WWP1: variants seen among roughly 807,000 people sequenced by gnomAD.
WWP1 encodes WW domain containing E3 ubiquitin protein ligase 1, also known as NEDD4-like E3 ubiquitin-protein ligase WWP1.
In WWP1, 49 loss-of-function variants were observed where a neutral mutation model predicts 130.6. The ratio of observed to expected loss-of-function variants is 0.38; its 90% CI spans 0.30 to 0.48. The LOEUF is 0.48. WWP1 is among the 20% of genes least tolerant of loss of function. The pLI is 0.99. For synonymous variants in WWP1, 332 were observed against 367.8 expected (o/e 0.90, Z 1.11); for missense variants, 809 against 1,100.6 (o/e 0.74, Z 3.75).
chr8:86,382,724 A>G (rs1292373299), intron 5 of WWP1, among the ~76,000 whole-genome samples: 3 of 152,198 alleles, frequency 2.0e-5, no homozygotes, highest in African/African-American at 7.2e-5. Context: ...CCAGGGTTCT[A>G]GTTTATGATT....
chr8:86,399,277 GATTGTGGCCTTCCTTCAGACATC>G (rs1807842349), intron 7 of WWP1, among the ~76,000 whole-genome samples: 1 of 152,172 alleles, frequency 6.6e-6, no homozygotes, highest in Non-Finnish European at 1.5e-5. Flanking sequence ...ATGCTTCACA[GATTGTGGCCTTCCTTCAGACATC>G]ATTGTGGCCT....
At chr8:86,442,171 C>T (rs10481195) in intron 17 of WWP1, 52,607 of 152,440 alleles carry the variant, frequency 0.35, 10,580 homozygotes, top group African/African-American at 0.55. Flanking sequence ...AAATACATGG[C>T]TTTTGCCTTT....
chr8:86,358,729 G>T (rs1823395858), intron 1 of WWP1, among the ~76,000 whole-genome samples: 1 of 151,638 alleles, frequency 6.6e-6, no homozygotes, highest in African/African-American at 2.4e-5. Context: ...GGCTGGTCTC[G>T]AACTCCTGGG....
chr8:86,416,477 C>T (rs1021902425), intron 9 of WWP1, among the ~76,000 whole-genome samples: 6 of 152,150 alleles, frequency 3.9e-5, no homozygotes, highest in Non-Finnish European at 7.3e-5. Context: ...AGTCTTACTG[C>T]CAACCCCTGT....
At chr8:86,465,706 A>G (rs1812051609) in intron 24 of WWP1, among the ~76,000 whole-genome samples, 1 of 152,220 alleles carries the variant, frequency 6.6e-6, no homozygotes, top group Admixed American at 6.5e-5. Context: ...GATGTAAGAG[A>G]ACAGAAAGTG....
chr8:86,392,834 CTCTTTAT>C (rs1299194962), intron 5 of WWP1, among the ~76,000 whole-genome samples: 1 of 152,086 alleles, frequency 6.6e-6, no homozygotes, highest in African/African-American at 2.4e-5. Context: ...ATGTAAGTGC[CTCTTTAT>C]TCTTTCGAAA....
intron 1 of WWP1, among the ~76,000 whole-genome samples, chr8:86,356,266 C>T (rs1310615284): frequency 6.6e-6 from 1 of 152,056 alleles, no homozygotes; most frequent in Non-Finnish European, 1.5e-5. Context: ...CAAGTATATA[C>T]ACATCTCTTT....
chr8:86,445,147 C>T (rs1810791856), intron 18 of WWP1, among the ~76,000 whole-genome samples: 1 of 152,050 alleles, frequency 6.6e-6, no homozygotes, highest in Non-Finnish European at 1.5e-5. Context: ...TGAGAACTCA[C>T]CAGGGCATTA....
intron 13 of WWP1, 44 bp from the exon 14 acceptor site, chr8:86,431,569 AGT>A (rs1809978793): frequency 6.2e-7 from 1 of 1,612,042 alleles, no homozygotes; most frequent in African/African-American, 1.3e-5. Context: ...AGATATTTTT[AGT>A]ACCTAGAAAA....
At chr8:86,408,722 C>A (rs2130547124) in intron 8 of WWP1, among the ~76,000 whole-genome samples, 1 of 152,206 alleles carries the variant, frequency 6.6e-6, no homozygotes, top group East Asian at 1.9e-4. Flanking sequence ...TCGAGTCCAG[C>A]CTGGGCAACA....
chr8:86,343,680 CCTT>C (rs1459173412), intron 1 of WWP1, among the ~76,000 whole-genome samples: 1 of 152,074 alleles, frequency 6.6e-6, no homozygotes, highest in Non-Finnish European at 1.5e-5. Flanking sequence ...ATATATGAAA[CCTT>C]CATTACCAAA....
At chr8:86,359,758 A>C (rs1254547140) in intron 1 of WWP1, among the ~76,000 whole-genome samples, 1 of 152,054 alleles carries the variant, frequency 6.6e-6, no homozygotes, top group African/African-American at 2.4e-5. Context: ...TCATCATTAA[A>C]AACAGTCCTC....
At chr8:86,419,026 CCAGT>C (rs1174481786) in intron 9 of WWP1, among the ~76,000 whole-genome samples, 3 of 152,106 alleles carry the variant, frequency 2.0e-5, no homozygotes, top group African/African-American at 4.8e-5. Context: ...CATAAAACTC[CCAGT>C]CAGTTTTCAG....
intron 1 of WWP1, among the ~76,000 whole-genome samples, chr8:86,353,865 G>A (rs1234014350): frequency 6.6e-6 from 1 of 152,078 alleles, no homozygotes; most frequent in Non-Finnish European, 1.5e-5. Context: ...ATCTCTTTTT[G>A]TCTATGCCCT....
At chr8:86,398,696 A>G in intron 7 of WWP1, 58 bp downstream of exon 7, 1 of 1,569,852 alleles carries the variant, frequency 6.4e-7, no homozygotes, top group African/African-American at 1.4e-5. Flanking sequence ...TTTCCTGAAT[A>G]AGAAGTTTTA....
rs1808023410 is a variant in WWP1, at chr8:86,402,156, A to G, written c.677A>G (p.Asn226Ser). Residue 226 changes from asparagine to serine, a missense_variant, in exon 8 of 25, where the codon AAT becomes AGT. Asn to Ser is a conservative substitution (Grantham distance 46). Transcript: ENST00000517970. ...SPSQVAARPK[N>S]TPAPKPLASE... ...TCTCAGGTTGCTGCCAGACCCAAAA[A>G]TACACCAGCTCCAAAACCACTCGCA... 2.5e-6 allele frequency: 4 copies of G among 1,614,184 alleles called. No individual in the cohort carries two copies. Among genetic ancestry groups the G allele is most frequent in the Non-Finnish European group, 3.4e-6 (4 of 1,180,026 alleles).
At chr8:86,451,475 G>A (rs1811177307) in intron 20 of WWP1, among the ~76,000 whole-genome samples, 1 of 152,030 alleles carries the variant, frequency 6.6e-6, no homozygotes, top group African/African-American at 2.4e-5. Context: ...TGAGTGTGGT[G>A]GTAAAGGGAG....
At position 86,355,078 on chromosome 8, in the gene WWP1, T is replaced by G. The variant is rs192311687; in HGVS notation, c.-115+12148T>G. On this transcript the variant is annotated intron_variant, in intron 1 of 24. Transcript: ENST00000517970. ...ATGTAGGTCTGTCCGACTTGAAAACTGTTCTCTGCATTACATTACCAAAAT... is the reference window on the plus strand; with the variant it reads ...ATGTAGGTCTGTCCGACTTGAAAACGGTTCTCTGCATTACATTACCAAAAT... Among the ~76,000 whole-genome samples the G allele has an allele frequency of 1.8e-3, 273 of 152,324 alleles. 2 individuals are homozygous for G. The highest frequency in any genetic ancestry group is 2.7e-3 in the Admixed American group (41 of 15,296).
At chr8:86,431,365 C>T in intron 12 of WWP1, 41 bp from the exon 13 acceptor site, 1 of 1,116,074 alleles carries the variant, frequency 9.0e-7, no homozygotes, top group Non-Finnish European at 1.2e-6. Flanking sequence ...ATATATAGAT[C>T]CTAAATAGTT....
Sources: gnomAD v4.1 joint callset for allele counts (sites outside exome capture counted in the v4.1 genomes callset) on GRCh38, gnomAD v4.1.1 for gene constraint, MANE v1.5 for transcripts, NCBI Gene and HGNC (gene_info 2026-07-23, HGNC 2026-07-21) for gene names.